Variants in CAB39L observed in about 807,000 individuals in gnomAD.
The protein encoded by CAB39L is calcium-binding protein 39-like.
CAB39L carries 23 observed loss-of-function variants against 39.1 expected under a neutral mutation model. That is an observed-to-expected ratio of 0.59 (90% confidence interval 0.42 to 0.83). The LOEUF (loss-of-function observed/expected upper bound fraction) is 0.83, where lower values mean the gene tolerates loss of function less well. Ranked by LOEUF, CAB39L falls within the 40% of genes least tolerant of loss-of-function variation. CAB39L has a pLI of 0.00. For missense variants in CAB39L, 366 were observed against 391.9 expected (o/e 0.93, Z 0.56); for synonymous variants, 126 against 137.2 (o/e 0.92, Z 0.57).
At chr13:49,328,095 C>T (rs944088830) in intron 10 of CAB39L, among the ~76,000 whole-genome samples, 9 of 152,188 alleles carry the variant, frequency 5.9e-5, no homozygotes, top group African/African-American at 2.2e-4. Flanking sequence ...ACCCCTTATG[C>T]ACACATCCAA....
chr13:49,316,881 G>A (rs756536062), intron 10 of CAB39L, among the ~76,000 whole-genome samples: 1 of 152,158 alleles, frequency 6.6e-6, no homozygotes, highest in East Asian at 1.9e-4. Flanking sequence ...ACACAGAGAC[G>A]CTTAGGGATA....
At chr13:49,412,858 T>A (rs1957016612) in intron 3 of CAB39L, 1 of 152,262 alleles carries the variant, frequency 6.6e-6, no homozygotes, top group African/African-American at 2.4e-5. Context: ...ATTCTGCCAC[T>A]GATCTAACAG....
chr13:49,421,850 T>C (rs948170309), intron 3 of CAB39L, among the ~76,000 whole-genome samples: 11 of 152,050 alleles, frequency 7.2e-5, no homozygotes, highest in Non-Finnish European at 1.6e-4. Flanking sequence ...AGCAGTAGTG[T>C]TGGAGGGTGC....
chr13:49,404,339 AT>A (rs1956830885), intron 3 of CAB39L, among the ~76,000 whole-genome samples: 3 of 152,284 alleles, frequency 2.0e-5, no homozygotes, highest in East Asian at 3.9e-4. Context: ...CCTAATGCAA[AT>A]TTGGCTGCAG....
chr13:49,440,074 CTTTAG>C (rs1273693396), intron 1 of CAB39L, among the ~76,000 whole-genome samples: 4 of 151,982 alleles, frequency 2.6e-5, no homozygotes, highest in African/African-American at 9.7e-5. Context: ...TGCAGAAGCT[CTTTAG>C]TTTAATTAGG....
At chr13:49,414,294 G>T (rs555477171) in intron 3 of CAB39L, 31 of 152,294 alleles carry the variant, frequency 2.0e-4, no homozygotes, top group African/African-American at 7.2e-4. Context: ...AGAACTAGAA[G>T]AATGTAGTGA....
At chr13:49,439,530 T>C (rs912360615) in intron 1 of CAB39L, among the ~76,000 whole-genome samples, 2 of 152,248 alleles carry the variant, frequency 1.3e-5, no homozygotes, top group Non-Finnish European at 2.9e-5. Flanking sequence ...ATCTTTGCTA[T>C]TGTGACTAGC....
rs1261899251 is a variant in CAB39L at position 49,310,932 on chromosome 13, G to A, written c.896C>T (p.Pro299Leu). 3 of 1,614,126 alleles carry A rather than the reference G, an allele frequency of 1.9e-6. No homozygotes were observed. Among genetic ancestry groups the A allele is most frequent in the South Asian group, 2.2e-5 (2 of 91,082 alleles). Residue 299 changes from proline (P) to leucine (L), a missense_variant, in exon 11 of 11, where the codon CCC becomes CTC. Transcript: ENST00000409308. Reference sequence around the variant, plus strand: ...GCTGCTCAGAAACTCAATGAGTTTGGGCTGATTTTTTAACAGGATCTCCAC... The same window carrying A: ...GCTGCTCAGAAACTCAATGAGTTTGAGCTGATTTTTTAACAGGATCTCCAC... ...PIVEILLKNQ[P>L]KLIEFLSSFQ...
chr13:49,423,700 C>A (rs1392915415), intron 3 of CAB39L, among the ~76,000 whole-genome samples: 2 of 152,186 alleles, frequency 1.3e-5, no homozygotes, highest in African/African-American at 4.8e-5. Flanking sequence ...CCATACACGA[C>A]AACCTTATTA....
At position 49,354,228 on chromosome 13, in the gene CAB39L, G is replaced by A. The variant is rs541147875; in HGVS notation, c.396-3316C>T. Among the ~76,000 whole-genome samples the A allele has an allele frequency of 2.2e-3, 336 of 152,260 alleles. 2 individuals are homozygous for A. Among genetic ancestry groups the A allele is most frequent in the African/African-American group, 7.7e-3 (320 of 41,548 alleles). On this transcript the variant is annotated intron_variant, in intron 6 of 10. Transcript: ENST00000409308. Reference sequence around the variant, plus strand: ...AAGACTCCTCTGGGTCAGCACACTTGTCATTTCATCCCAGCAGTTTGACAT... The same window carrying A: ...AAGACTCCTCTGGGTCAGCACACTTATCATTTCATCCCAGCAGTTTGACAT...
intron 3 of CAB39L, among the ~76,000 whole-genome samples, chr13:49,394,477 G>C (rs1159632088): frequency 6.6e-6 from 1 of 151,950 alleles, no homozygotes; most frequent in East Asian, 1.9e-4. Flanking sequence ...TATGAATCTA[G>C]AACCTTAAAA....
intron 10 of CAB39L, among the ~76,000 whole-genome samples, chr13:49,313,598 A>T (rs556534803): frequency 6.6e-6 from 1 of 152,174 alleles, no homozygotes; most frequent in Non-Finnish European, 1.5e-5. Context: ...AGAGATTCTT[A>T]TGTGAACTCC....
At chr13:49,402,843 C>T (rs1300378618) in intron 3 of CAB39L, among the ~76,000 whole-genome samples, 1 of 152,016 alleles carries the variant, frequency 6.6e-6, no homozygotes, top group East Asian at 1.9e-4. Flanking sequence ...AGAGATTAGT[C>T]TGCCAATTTT....
At chr13:49,419,624 T>C (rs1183052495) in intron 3 of CAB39L, among the ~76,000 whole-genome samples, 3 of 152,114 alleles carry the variant, frequency 2.0e-5, no homozygotes, top group Admixed American at 2.0e-4. Context: ...AAATGTAAAA[T>C]TTCCAGTGCT....
intron 3 of CAB39L, chr13:49,413,027 T>C (rs1957021514): frequency 6.6e-6 from 1 of 152,180 alleles, no homozygotes; most frequent in Non-Finnish European, 1.5e-5. Flanking sequence ...AAGCCTAGTG[T>C]GATACTAGGT....
chr13:49,434,721 A>G (rs1957381530), intron 1 of CAB39L, among the ~76,000 whole-genome samples: 1 of 152,164 alleles, frequency 6.6e-6, no homozygotes, highest in South Asian at 2.1e-4. Context: ...AATAAAAAAT[A>G]AAAACATTTT....
At chr13:49,404,111 G>A (rs984483444) in intron 3 of CAB39L, among the ~76,000 whole-genome samples, 8 of 152,180 alleles carry the variant, frequency 5.3e-5, no homozygotes, top group Non-Finnish European at 1.0e-4. Context: ...CAGCATTGAC[G>A]CAGTATAGTC....
intron 10 of CAB39L, among the ~76,000 whole-genome samples, chr13:49,327,162 A>ATT (rs5803457): frequency 8.0e-5 from 12 of 150,804 alleles, no homozygotes; most frequent in African/African-American, 1.7e-4. Flanking sequence ...TTGCCTTCAG[A>ATT]TTTTTTTTTT....
In CAB39L at chr13:49,417,979, T is replaced by C. The variant is rs563465872; in HGVS notation, c.-32+15339A>G. On this transcript the variant is annotated intron_variant, in intron 3 of 10. Transcript: ENST00000409308. The stretch of plus-strand genomic sequence containing the variant: ...AAAATGTAAAATGGAGCAGCTGCTT[T>C]AGAAGCAGGTCAATAGTTCCTCAGA... 8.5e-5 allele frequency among the ~76,000 whole-genome samples: 13 copies of C among 152,290 alleles called. No homozygotes were observed. The South Asian group carries it at 2.1e-3, about 24-fold the overall frequency.
Sources: allele counts gnomAD v4.1 joint callset (sites outside exome capture counted in the v4.1 genomes callset), GRCh38; gene constraint gnomAD v4.1.1; transcripts MANE v1.5; gene names NCBI Gene and HGNC (gene_info 2026-07-23, HGNC 2026-07-21).